The following NSUN6 variants were observed in gnomAD, a reference collection of about 807,000 sequenced individuals.
NSUN6 encodes the protein tRNA (cytosine(72)-C(5))-methyltransferase NSUN6.
NSUN6 carries 64 observed loss-of-function variants against 58.0 expected under a neutral mutation model. That is an observed-to-expected ratio of 1.10 (90% CI 0.90 to 1.36). The LOEUF is 1.36. Among genes scored for constraint, NSUN6 ranks in the 40% most tolerant of loss-of-function variants. The pLI, the probability that NSUN6 is intolerant of heterozygous loss-of-function variation, is 0.00. For missense variants in NSUN6, 701 were observed against 550.1 expected, an observed-to-expected ratio of 1.27 and a Z score of -2.74; for synonymous variants, 231 against 193.9, an observed-to-expected ratio of 1.19 and a Z score of -1.59.
chr10:18,548,728 G>A (rs2054435119), intron 9 of NSUN6, among the ~76,000 whole-genome samples: 1 of 152,070 alleles, frequency 6.6e-6, no homozygotes, highest in Non-Finnish European at 1.5e-5. Flanking sequence ...CGTGAGCCAT[G>A]GGTCTGGCCC....
At chr10:18,565,955 C>T (rs62634838) in intron 8 of NSUN6, among the ~76,000 whole-genome samples, 58,938 of 149,936 alleles carry the variant, frequency 0.39, 12,118 homozygotes, top group East Asian at 0.73. Context: ...CTTCCATTCT[C>T]CATTCCATTC....
Position 18,586,094 on chromosome 10 carries a change from C to T in NSUN6, c.778-1G>A. The T allele has an allele frequency of 1.3e-6, 2 of 1,546,812 alleles. No individual in the cohort carries two copies. Among genetic ancestry groups the T allele is most frequent in the Non-Finnish European group, 1.7e-6 (2 of 1,150,780 alleles). On this transcript the variant is annotated splice_acceptor_variant, in intron 7 of 10. Transcript: ENST00000377304. LOFTEE classifies it high-confidence loss of function. ...TTTTATCCAGTGCTATAACTTCTCC[C>T]TAAAAAGAAACAAAACACACACATG...
rs1386935419 is a variant in NSUN6 at position 18,551,815 on chromosome 10, C to G, written c.1071+8G>C. On this transcript the variant is annotated splice_region_variant and intron_variant, in intron 9 of 10. Coordinates refer to ENST00000377304, the MANE Select transcript of NSUN6 (RefSeq NM_182543.5). ...AACTTTGTTTCACAAAAACAGACCA[C>G]CACATACTGCAGTGAAGAGTTTTCG... is the stretch of plus-strand genomic sequence containing the variant. 1 of 1,609,130 alleles carries G rather than the reference C, an allele frequency of 6.2e-7. No individual in the cohort carries two copies. The highest frequency in any genetic ancestry group is 8.5e-7 in the Non-Finnish European group (1 of 1,177,438).
chr10:18,658,760 T>A (rs373984645), upstream of NSUN6: 771 of 462,432 alleles, frequency 1.7e-3, 1 homozygote, highest in Admixed American at 3.7e-3. Context: ...CCCACCACTT[T>A]GGGAAGTCGA....
intron 8 of NSUN6, among the ~76,000 whole-genome samples, chr10:18,576,169 T>C (rs551397826): frequency 6.6e-6 from 1 of 152,274 alleles, no homozygotes; most frequent in East Asian, 1.9e-4. Context: ...TTACTCTTTC[T>C]TCTTTCCTTG....
chr10:18,631,094 T>C (rs1366516080), intron 3 of NSUN6, among the ~76,000 whole-genome samples: 1 of 152,196 alleles, frequency 6.6e-6, no homozygotes, highest in East Asian at 1.9e-4. Flanking sequence ...CAAGGCTGGT[T>C]CATTATACCC....
Position 18,585,973 on chromosome 10 carries a change from G to A in NSUN6, c.898C>T (p.Leu300Phe), listed in dbSNP as rs371831982. The change falls in exon 8 of 11, where the codon CTT (leucine) becomes TTT (phenylalanine). Residue 300 changes from leucine (L) to phenylalanine (F), a missense_variant. Coordinates refer to ENST00000377304, the MANE Select transcript of NSUN6 (RefSeq NM_182543.5). ...CCTTCTGTGTCCTCCACCATATCAA[G>A]TTTAACCGCCTTTGTTCCATCAAAA... ...FCFDGTKAVKLDMVEDTEGEP... is the reference protein window; with the variant it reads ...FCFDGTKAVKFDMVEDTEGEP... 5.6e-6 allele frequency: 9 copies of A among 1,607,730 alleles called. No homozygotes were observed. Among genetic ancestry groups the A allele is most frequent in the Non-Finnish European group, 6.8e-6 (8 of 1,178,536 alleles).
chr10:18,558,252 A>G (rs115961994), intron 8 of NSUN6, among the ~76,000 whole-genome samples: 15,583 of 150,748 alleles, frequency 0.1, 994 homozygotes, highest in Middle Eastern at 0.18. Flanking sequence ...ATGGAGTGCA[A>G]TAGAGAATGG....
At chr10:18,630,738 G>A (rs1466110377) in intron 3 of NSUN6, among the ~76,000 whole-genome samples, 1 of 152,148 alleles carries the variant, frequency 6.6e-6, no homozygotes, top group African/African-American at 2.4e-5. Context: ...ACCAATAACA[G>A]GAGCTGAAAT....
Position 18,648,514 on chromosome 10 carries a change from AT to A in NSUN6, c.206del (p.Asn69IlefsTer14). ...CCTTCTGAAGTTCATCAAGTAACAG[AT>A]TTTTCACATGTTGTACTGAGGCTAA... Reference protein sequence around the residue: ...THLASVQHVKNLLLDELQKQF... With the variant: ...THLASVQHVKXLLLDELQKQF... On this transcript the variant is annotated frameshift_variant, in exon 2 of 11. Coordinates refer to ENST00000377304, the MANE Select transcript of NSUN6 (RefSeq NM_182543.5). LOFTEE classifies it high-confidence loss of function. 1 of 1,603,330 alleles carries A rather than the reference AT, an allele frequency of 6.2e-7. No individual in the cohort carries two copies. The highest frequency in any genetic ancestry group is 8.5e-7 in the Non-Finnish European group (1 of 1,172,404).
At chr10:18,573,822 C>A (rs565743354) in intron 8 of NSUN6, among the ~76,000 whole-genome samples, 1 of 152,084 alleles carries the variant, frequency 6.6e-6, no homozygotes, top group African/African-American at 2.4e-5. Context: ...GAGGGAATCA[C>A]GTCCCTACCC....
upstream of NSUN6, among the ~76,000 whole-genome samples, chr10:18,657,982 G>GA (rs35623248): frequency 1.2e-3 from 172 of 141,140 alleles, no homozygotes; most frequent in African/African-American, 3.2e-3. Flanking sequence ...CCGAAAGCCA[G>GA]AAAAAAAAAA....
chr10:18,626,262 A>C (rs1347822409), intron 3 of NSUN6, among the ~76,000 whole-genome samples: 1 of 151,844 alleles, frequency 6.6e-6, no homozygotes, highest in African/African-American at 2.4e-5. Context: ...AAAACTGGCC[A>C]GGCATGGTGG....
Position 18,545,591 on chromosome 10 carries a change from G to C in NSUN6, c.*342C>G, listed in dbSNP as rs1287356002. 5.7e-6 allele frequency: 1 copy of C among 174,198 alleles called. No individual in the cohort carries two copies. The highest frequency in any genetic ancestry group is 1.2e-5 in the Non-Finnish European group (1 of 82,742). The allele number at this position is 174,198 out of a possible 1,614,324, so 10.8% of individuals were successfully genotyped here. ...TATTGCTAATTTATTCCTTTTGTTA[G>C]ATTCACTAATTTTTAACATTAAAAA... On this transcript the variant is annotated 3_prime_UTR_variant, in exon 11 of 11. Coordinates refer to ENST00000377304, the MANE Select transcript of NSUN6 (RefSeq NM_182543.5).
At chr10:18,629,649 G>A (rs2058957758) in intron 3 of NSUN6, among the ~76,000 whole-genome samples, 1 of 151,784 alleles carries the variant, frequency 6.6e-6, no homozygotes, top group Non-Finnish European at 1.5e-5. Flanking sequence ...GATCAAAGGA[G>A]ACAAAGAAGG....
chr10:18,580,426 G>C (rs1339404434), intron 8 of NSUN6, among the ~76,000 whole-genome samples: 1 of 152,154 alleles, frequency 6.6e-6, no homozygotes, highest in Non-Finnish European at 1.5e-5. Context: ...CTCTCCCTAA[G>C]AGGGACAGGC....
At chr10:18,605,515 T>C (rs1415380852) in intron 6 of NSUN6, among the ~76,000 whole-genome samples, 1 of 152,104 alleles carries the variant, frequency 6.6e-6, no homozygotes, top group African/African-American at 2.4e-5. Flanking sequence ...AGGGGGAAAT[T>C]TGAATTAGGA....
chr10:18,556,246 C>T (rs1484382144), intron 8 of NSUN6, among the ~76,000 whole-genome samples: 5 of 138,110 alleles, frequency 3.6e-5, no homozygotes, highest in East Asian at 2.3e-4. Context: ...GAATGGAATG[C>T]GAATAGAATG....
intron 6 of NSUN6, among the ~76,000 whole-genome samples, chr10:18,605,127 C>T (rs891959440): frequency 5.3e-5 from 8 of 151,082 alleles, no homozygotes; most frequent in Admixed American, 1.3e-4. Flanking sequence ...CCTCGTAATC[C>T]GCCCGTCTCG....
Sources: gnomAD v4.1 joint callset for allele counts (sites outside exome capture counted in the v4.1 genomes callset) on GRCh38, gnomAD v4.1.1 for gene constraint, MANE v1.5 for transcripts, NCBI Gene and HGNC (gene_info 2026-07-23, HGNC 2026-07-21) for gene names.